GLI3: variants seen among roughly 807,000 people sequenced by gnomAD.
The protein encoded by GLI3 is transcription activator GLI3.
Under a neutral mutation model 100.8 loss-of-function variants are expected in GLI3, and 20 were observed. The observed-to-expected ratio is 0.20, with a 90% confidence interval of 0.14 to 0.29. The LOEUF is 0.29. GLI3 is among the 10% of genes least tolerant of loss of function. The pLI, the probability that GLI3 is intolerant of heterozygous loss-of-function variation, is 1.00. For missense variants in GLI3, 2,040 were observed against 2,128.5 expected (o/e 0.96, Z 0.82); for synonymous variants, 938 against 860.5 (o/e 1.09, Z -1.58).
intron 4 of GLI3, among the ~76,000 whole-genome samples, chr7:42,060,116 AG>A (rs1178632055): frequency 6.6e-6 from 1 of 152,214 alleles, no homozygotes; most frequent in Non-Finnish European, 1.5e-5. Flanking sequence ...CCTTTTTAAC[AG>A]GGAAGTATAC....
chr7:42,000,845 G>A (rs1014491670), intron 10 of GLI3, among the ~76,000 whole-genome samples: 1 of 152,132 alleles, frequency 6.6e-6, no homozygotes, highest in African/African-American at 2.4e-5. Context: ...AAAGGAAACT[G>A]AGATAAATTA....
intron 9 of GLI3, among the ~76,000 whole-genome samples, chr7:42,024,949 C>A (rs1789066099): frequency 6.6e-6 from 1 of 152,122 alleles, no homozygotes. Flanking sequence ...GCACCTGTGG[C>A]CAGCAACAAA....
At chr7:42,225,345 GTTTGTT>G (rs1362696356) in intron 1 of GLI3, among the ~76,000 whole-genome samples, 2 of 151,780 alleles carry the variant, frequency 1.3e-5, no homozygotes, top group Non-Finnish European at 2.9e-5. Flanking sequence ...TTTTTTGTTT[GTTTGTT>G]TTTGTTTTTT....
At chr7:42,048,733 T>C (rs1374051933) in intron 4 of GLI3, 37 bp from the exon 5 acceptor site, 2 of 1,328,602 alleles carry the variant, frequency 1.5e-6, no homozygotes, top group Non-Finnish European at 2.2e-6. Context: ...GGGGTATGCA[T>C]GAGACAAATA....
intron 2 of GLI3, among the ~76,000 whole-genome samples, chr7:42,188,314 G>A (rs1787760589): frequency 6.6e-6 from 1 of 152,104 alleles, no homozygotes; most frequent in Non-Finnish European, 1.5e-5. Context: ...TCTCTATCCT[G>A]GCATCTATTG....
In GLI3 at chr7:42,048,544, C is replaced by A. The variant is rs1562702980; in HGVS notation, c.626G>T (p.Ser209Ile). Residue 209 changes from serine (S) to isoleucine (I), a missense_variant, in exon 5 of 15, where the codon AGC becomes ATC. Ser to Ile is a moderately radical substitution (Grantham distance 142). Coordinates refer to ENST00000395925, the MANE Select transcript of GLI3 (RefSeq NM_000168.6). ...PYMDYIRSLH[S>I]SPSLSMISAT... ...TGAGATCATGGAGAGCGATGGGCTG[C>A]TGTGCAAGGAGCGGATATAGTCCAT... 5 of 1,613,256 alleles carry A rather than the reference C, an allele frequency of 3.1e-6. No homozygotes were observed. The highest frequency in any genetic ancestry group is 4.2e-6 in the Non-Finnish European group (5 of 1,179,736).
intron 2 of GLI3, among the ~76,000 whole-genome samples, chr7:42,148,908 C>T (rs1786788586): frequency 6.6e-6 from 1 of 152,190 alleles, no homozygotes; most frequent in South Asian, 2.1e-4. Flanking sequence ...ACACAAAGTC[C>T]TTCCAGCTAC....
At chr7:42,016,949 C>T (rs954429987) in intron 10 of GLI3, among the ~76,000 whole-genome samples, 3 of 152,202 alleles carry the variant, frequency 2.0e-5, no homozygotes, top group Non-Finnish European at 4.4e-5. Flanking sequence ...CCCAGTCAGA[C>T]TGTCCAGTCT....
rs1319502480 is a variant in GLI3, at chr7:42,197,587, C to G, written c.124+25543G>C. ...GTAACTTGAAAACCAAATGAAATGT[C>G]GTGCTACTGGAGCACGGAGCCCTTA... On this transcript the variant is annotated intron_variant, in intron 2 of 14. Coordinates refer to ENST00000395925, the MANE Select transcript of GLI3 (RefSeq NM_000168.6). 2.0e-5 allele frequency among the ~76,000 whole-genome samples: 3 copies of G among 152,196 alleles called. No homozygotes were observed. The South Asian group carries it at 6.2e-4, about 32-fold the overall frequency.
At chr7:42,083,510 T>C (rs970869032) in intron 3 of GLI3, among the ~76,000 whole-genome samples, 3 of 152,230 alleles carry the variant, frequency 2.0e-5, no homozygotes, top group Non-Finnish European at 4.4e-5. Flanking sequence ...GTTTACATAT[T>C]GCCTATGGCT....
At chr7:42,261,223 A>ACACACACACACACACAACACAC (rs1491140813) in intron 1 of GLI3, among the ~76,000 whole-genome samples, 1 of 70,770 alleles carries the variant, frequency 1.4e-5, no homozygotes, top group Admixed American at 1.5e-4. Context: ...ACACACACAC[A>ACACACACACACACACAACACAC]ACACACACAC....
In GLI3 at chr7:42,155,771, C is replaced by T. The variant is rs577738428; in HGVS notation, c.125-7303G>A. Among the ~76,000 whole-genome samples the T allele has an allele frequency of 3.3e-5, 5 of 152,096 alleles. No individual in the cohort carries two copies. The East Asian group carries it at 9.7e-4, about 29-fold the overall frequency. Reference sequence around the variant, plus strand: ...AAATGTAAAACCTGAAATGGCTGTTCCCCTCACTGCAGCAGAAAGCTTTGA... The same window carrying T: ...AAATGTAAAACCTGAAATGGCTGTTTCCCTCACTGCAGCAGAAAGCTTTGA... On this transcript the variant is annotated intron_variant, in intron 2 of 14. Coordinates refer to ENST00000395925, the MANE Select transcript of GLI3 (RefSeq NM_000168.6).
chr7:42,181,095 T>C (rs1441262221), intron 2 of GLI3, among the ~76,000 whole-genome samples: 3 of 152,216 alleles, frequency 2.0e-5, no homozygotes, highest in Non-Finnish European at 2.9e-5. Context: ...GGAGTGGCTG[T>C]GTTCCAATAA....
At chr7:42,155,497 T>C (rs1786981849) in intron 2 of GLI3, among the ~76,000 whole-genome samples, 1 of 151,480 alleles carries the variant, frequency 6.6e-6, no homozygotes, top group Admixed American at 6.6e-5. Flanking sequence ...TAGAGTAGCT[T>C]AATTGTTTTC....
At chr7:42,103,105 A>T (rs1562731142) in intron 3 of GLI3, among the ~76,000 whole-genome samples, 1 of 144,918 alleles carries the variant, frequency 6.9e-6, no homozygotes, top group Non-Finnish European at 1.5e-5. Context: ...AGTCACCTCA[A>T]GGCCTGACTG....
At position 42,207,835 on chromosome 7, in the gene GLI3, T is replaced by C. The variant is rs1189989202; in HGVS notation, c.124+15295A>G. On this transcript the variant is annotated intron_variant, in intron 2 of 14. Transcript: ENST00000395925. ...GTTTTTCTTTTATGCTTTTCTGAAT[T>C]TCCCAATGAGCAAGTATTCCTTTCA... is the stretch of plus-strand genomic sequence containing the variant. 2.0e-5 allele frequency among the ~76,000 whole-genome samples: 3 copies of C among 152,312 alleles called. No individual in the cohort carries two copies. The South Asian group carries it at 6.2e-4, about 32-fold the overall frequency.
intron 3 of GLI3, among the ~76,000 whole-genome samples, chr7:42,122,905 G>C (rs1366916381): frequency 2.0e-5 from 3 of 152,208 alleles, no homozygotes; most frequent in Admixed American, 6.5e-5. Context: ...ACACGCAAGA[G>C]TGTCTTTTAG....
At chr7:42,076,925 C>A in intron 3 of GLI3, 68 bp from the exon 4 acceptor site, 1 of 903,738 alleles carries the variant, frequency 1.1e-6, no homozygotes, top group South Asian at 1.3e-5. Context: ...ATTCACAAAG[C>A]AACATTGCTA....
intron 3 of GLI3, among the ~76,000 whole-genome samples, chr7:42,120,855 T>C (rs1785980278): frequency 1.3e-5 from 2 of 152,204 alleles, no homozygotes; most frequent in African/African-American, 2.4e-5. Flanking sequence ...CAATTATCAT[T>C]TTCTCCCATA....
Sources: gnomAD v4.1 joint callset for allele counts (sites outside exome capture counted in the v4.1 genomes callset) on GRCh38, gnomAD v4.1.1 for gene constraint, MANE v1.5 for transcripts, NCBI Gene and HGNC (gene_info 2026-07-23, HGNC 2026-07-21) for gene names.